MMS22L: variants seen among roughly 807,000 people sequenced by gnomAD.
The protein encoded by MMS22L is protein MMS22-like.
Under a neutral mutation model 159.1 loss-of-function variants are expected in MMS22L, and 74 were observed. That is an observed-to-expected ratio of 0.47 (90% CI 0.39 to 0.56). The LOEUF (loss-of-function observed/expected upper bound fraction) is 0.56, where lower values mean the gene tolerates loss of function less well. MMS22L is among the 20% of genes least tolerant of loss of function. The probability of loss-of-function intolerance (pLI) is 0.00; values close to 1 mark genes in which losing one functional copy is unlikely to be tolerated. For missense variants in MMS22L, 1,351 were observed against 1,422.1 expected (o/e 0.95, Z 0.80); for synonymous variants, 517 against 506.9 (o/e 1.02, Z -0.27).
chr6:97,152,960 C>T (rs1486372901), intron 22 of MMS22L, among the ~76,000 whole-genome samples: 1 of 151,848 alleles, frequency 6.6e-6, no homozygotes, highest in East Asian at 1.9e-4. Context: ...CTCAGCCTCT[C>T]AAGTAGCTAG....
At chr6:97,248,816 G>A (rs565001714) in intron 10 of MMS22L, among the ~76,000 whole-genome samples, 21 of 151,782 alleles carry the variant, frequency 1.4e-4, no homozygotes, top group African/African-American at 4.4e-4. Context: ...CAGAGATCGT[G>A]CCATTGCACT....
chr6:97,172,971 T>TAC, intron 19 of MMS22L, 92 bp downstream of exon 19: 1 of 1,174,924 alleles, frequency 8.5e-7, no homozygotes, highest in Non-Finnish European at 1.2e-6. Context: ...GTATGGAGGG[T>TAC]AGTGATTTAG....
intron 18 of MMS22L, 128 bp downstream of exon 18, chr6:97,178,315 G>T: frequency 3.0e-6 from 2 of 667,070 alleles, no homozygotes; most frequent in Non-Finnish European, 4.7e-6. Context: ...CTTTATAATA[G>T]CAGGCAATCA....
chr6:97,262,121 T>C (rs539075924), intron 9 of MMS22L: 2 of 152,192 alleles, frequency 1.3e-5, no homozygotes, highest in South Asian at 2.1e-4. Context: ...GGTGTAGTTG[T>C]AGGCTACCAA....
intron 19 of MMS22L, among the ~76,000 whole-genome samples, chr6:97,170,999 C>CT (rs1452866413): frequency 6.6e-6 from 1 of 151,996 alleles, no homozygotes; most frequent in East Asian, 1.9e-4. Flanking sequence ...GAGGGAGACT[C>CT]TGTCTCAAAA....
At chr6:97,217,211 G>A (rs997122382) in intron 14 of MMS22L, among the ~76,000 whole-genome samples, 2 of 151,918 alleles carry the variant, frequency 1.3e-5, no homozygotes, top group African/African-American at 4.8e-5. Flanking sequence ...GAGTAATCTT[G>A]TAAAAAATCT....
chr6:97,209,018 G>A (rs1162159881), intron 14 of MMS22L, among the ~76,000 whole-genome samples: 1 of 151,850 alleles, frequency 6.6e-6, no homozygotes, highest in African/African-American at 2.4e-5. Flanking sequence ...TCTTTCAAGA[G>A]GCTCTCCCTA....
chr6:97,204,647 G>A (rs570764056), intron 14 of MMS22L, among the ~76,000 whole-genome samples: 2 of 151,818 alleles, frequency 1.3e-5, no homozygotes, highest in African/African-American at 2.4e-5. Flanking sequence ...GCGGGGGTAG[G>A]GGGTGGGCAT....
Position 97,145,065 on chromosome 6 carries a change from C to CAAAAAA in MMS22L, c.*1740_*1741insTTTTTT, listed in dbSNP as rs545681601. 2 of 135,414 alleles carry CAAAAAA rather than the reference C, an allele frequency of 1.5e-5. No homozygotes were observed. Among genetic ancestry groups the CAAAAAA allele is most frequent in the African/African-American group, 6.5e-5 (2 of 30,656 alleles). 8.4% of individuals were successfully genotyped at this position (135,414 alleles called of 1,614,324 possible). ...ACACACACACACACACACACACACA[C>CAAAAAA]AAAAACACATATACACATAAATAAC... On this transcript the variant is annotated 3_prime_UTR_variant, in exon 25 of 25. Coordinates refer to ENST00000683635, the MANE Select transcript of MMS22L (RefSeq NM_001350599.2).
intron 20 of MMS22L, among the ~76,000 whole-genome samples, chr6:97,167,269 AC>A (rs945426053): frequency 1.3e-5 from 2 of 152,064 alleles, no homozygotes; most frequent in African/African-American, 4.8e-5. Flanking sequence ...GCAGATAGCC[AC>A]TCTGGAATCT....
rs942951105 is a variant in MMS22L at position 97,145,196 on chromosome 6, A to G, written c.*1610T>C. 2 of 152,072 alleles carry G rather than the reference A, an allele frequency of 1.3e-5. No homozygotes were observed. Among genetic ancestry groups the G allele is most frequent in the African/African-American group, 4.8e-5 (2 of 41,386 alleles). 9.4% of individuals were successfully genotyped at this position (152,072 alleles called of 1,614,324 possible). On this transcript the variant is annotated 3_prime_UTR_variant, in exon 25 of 25. Transcript: ENST00000683635. ...TAAGTCACTATCATGATGAAAAGAA[A>G]TTCAGTGTTATGAAGTCTATTAAAC...
chr6:97,171,038 A>C lies in MMS22L; in HGVS notation c.2839+2025T>G, dbSNP rs936208059. ...ACAACAACAAAGAAAAACAAAAAGA[A>C]CATTAAAAAATATATACTATTGCTA... On this transcript the variant is annotated intron_variant, in intron 19 of 24. Transcript: ENST00000683635. Among the ~76,000 whole-genome samples, 3 of 152,084 alleles carry C rather than the reference A, an allele frequency of 2.0e-5. 1 individual carries two copies. The highest frequency in any genetic ancestry group is 7.2e-5 in the African/African-American group (3 of 41,438).
intron 14 of MMS22L, among the ~76,000 whole-genome samples, chr6:97,189,730 A>AC (rs1218618955): frequency 6.6e-6 from 1 of 152,074 alleles, no homozygotes; most frequent in African/African-American, 2.4e-5. Flanking sequence ...GGAAATGTGC[A>AC]CCCACTTTGT....
At position 97,246,620 on chromosome 6, in the gene MMS22L, T is replaced by C. The variant is rs199504583; in HGVS notation, c.1182+8A>G. ...AAATCCACAAACTGTCTTACTTTAA[T>C]TGCATACCTGAACACTGATGGACTT... On this transcript the variant is annotated splice_region_variant and intron_variant, in intron 11 of 24. Transcript: ENST00000683635. 3.2e-5 allele frequency: 51 copies of C among 1,603,110 alleles called. No individual in the cohort carries two copies. The Middle Eastern group carries it at 5.0e-4, about 16-fold the overall frequency.
At chr6:97,198,182 CT>C (rs1806748391) in intron 14 of MMS22L, among the ~76,000 whole-genome samples, 1 of 152,146 alleles carries the variant, frequency 6.6e-6, no homozygotes, top group Non-Finnish European at 1.5e-5. Flanking sequence ...TGAGAATACC[CT>C]GTTCGAGAGG....
At chr6:97,266,650 A>C (rs1371095171) in intron 8 of MMS22L, 1 of 152,222 alleles carries the variant, frequency 6.6e-6, no homozygotes, top group Non-Finnish European at 1.5e-5. Context: ...GTATGACCCT[A>C]CTATTCAGCC....
chr6:97,216,990 C>A (rs1459343390), intron 14 of MMS22L, among the ~76,000 whole-genome samples: 1 of 152,046 alleles, frequency 6.6e-6, no homozygotes, highest in Non-Finnish European at 1.5e-5. Context: ...TTTTTTCCTT[C>A]TCCTTTTATC....
In MMS22L at chr6:97,238,512, G is replaced by A. The variant is rs193189917; in HGVS notation, c.1183-4532C>T. On this transcript the variant is annotated intron_variant, in intron 11 of 24. Coordinates refer to ENST00000683635, the MANE Select transcript of MMS22L (RefSeq NM_001350599.2). ...AAGCCTTAAACCTGACTGGCTCAAGGAGTACTACGCATCTCCCACATTTTC... is the reference window on the plus strand; with the variant it reads ...AAGCCTTAAACCTGACTGGCTCAAGAAGTACTACGCATCTCCCACATTTTC... Among the ~76,000 whole-genome samples, 72 of 151,728 alleles carry A rather than the reference G, an allele frequency of 4.7e-4. 1 individual carries two copies. Among genetic ancestry groups the A allele is most frequent in the African/African-American group, 1.6e-3 (68 of 41,346 alleles).
In MMS22L at chr6:97,205,227, G is replaced by A. The variant is rs113987922; in HGVS notation, c.2040-18537C>T. 3.2e-3 allele frequency among the ~76,000 whole-genome samples: 493 copies of A among 151,910 alleles called. 3 individuals carry two copies. Among genetic ancestry groups the A allele is most frequent in the African/African-American group, 0.011 (468 of 41,452 alleles). ...CAAAGTGCTGGGATTACAGGCATGA[G>A]CCACCATACTCGGCCACGTATTTTT... On this transcript the variant is annotated intron_variant, in intron 14 of 24. Transcript: ENST00000683635.
Sources: gnomAD v4.1 joint callset for allele counts (sites outside exome capture counted in the v4.1 genomes callset) on GRCh38, gnomAD v4.1.1 for gene constraint, MANE v1.5 for transcripts, NCBI Gene and HGNC (gene_info 2026-07-23, HGNC 2026-07-21) for gene names.